Variants in BRD7 observed in about 807,000 individuals in gnomAD.
BRD7 encodes bromodomain-containing protein 7.
A neutral mutation model predicts 82.1 loss-of-function variants in BRD7; 15 were observed. The observed-to-expected ratio is 0.18, with a 90% CI of 0.12 to 0.28. BRD7 has a LOEUF of 0.28. BRD7 is among the 10% of genes least tolerant of loss of function. BRD7 has a pLI of 1.00. For missense variants in BRD7, 638 were observed against 779.9 expected (o/e 0.82, Z 2.17); for synonymous variants, 232 against 266.9 (o/e 0.87, Z 1.27).
At position 50,368,386 on chromosome 16, in the gene BRD7, G is replaced by A. The variant is rs1318653568; in HGVS notation, c.50-88C>T. On this transcript the variant is annotated intron_variant, in intron 1 of 16. Coordinates refer to ENST00000394688, the MANE Select transcript of BRD7 (RefSeq NM_013263.5). ...TGCTAAGGATGCAGAGCGCCAAGGC[G>A]CAGCAAGCCCGAGGCGGCTTTGGGC... 4 of 1,397,016 alleles carry A rather than the reference G, an allele frequency of 2.9e-6. No individual in the cohort carries two copies. In the African/African-American group the frequency reaches 5.8e-5, roughly 20 times the overall value. The allele number at this position is 1,397,016 out of a possible 1,614,324, so 86.5% of individuals were successfully genotyped here.
intron 5 of BRD7, among the ~76,000 whole-genome samples, chr16:50,340,990 T>A (rs900059334): frequency 6.6e-6 from 1 of 152,116 alleles, no homozygotes; most frequent in African/African-American, 2.4e-5. Context: ...TTAGAACACT[T>A]AAATAGAACA....
At chr16:50,349,724 T>C in intron 5 of BRD7, 1 of 425,118 alleles carries the variant, frequency 2.4e-6, no homozygotes, top group South Asian at 1.9e-5. Flanking sequence ...GTTTTACTTG[T>C]ATTGATCTAA....
At chr16:50,345,942 C>G (rs1162494843) in intron 5 of BRD7, among the ~76,000 whole-genome samples, 1 of 152,194 alleles carries the variant, frequency 6.6e-6, no homozygotes, top group Non-Finnish European at 1.5e-5. Flanking sequence ...ACAGAACTCT[C>G]CACCCTAAAT....
At chr16:50,364,996 A>G (rs1246388801) in intron 2 of BRD7, among the ~76,000 whole-genome samples, 1 of 152,222 alleles carries the variant, frequency 6.6e-6, no homozygotes, top group Admixed American at 6.5e-5. Flanking sequence ...CCACGTCAAC[A>G]CACTTGGGAG....
At chr16:50,349,089 G>A (rs1597076575) in intron 5 of BRD7, 1 of 158,644 alleles carries the variant, frequency 6.3e-6, no homozygotes. Context: ...AAAAGGATGA[G>A]TTCATGTCCT....
chr16:50,364,537 TGA>T (rs988066276), intron 2 of BRD7, among the ~76,000 whole-genome samples: 45 of 152,206 alleles, frequency 3.0e-4, no homozygotes, highest in African/African-American at 1.0e-3. Context: ...TGTCCTATTC[TGA>T]GAGGTGTGTC....
chr16:50,343,518 C>T lies in BRD7; in HGVS notation c.592-3432G>A, dbSNP rs558832122. Among the ~76,000 whole-genome samples, 26 of 152,350 alleles carry T rather than the reference C, an allele frequency of 1.7e-4. 1 individual carries two copies. The highest frequency in any genetic ancestry group is 1.4e-3 in the Admixed American group (21 of 15,304). On this transcript the variant is annotated intron_variant, in intron 5 of 16. Transcript: ENST00000394688. ...AAGCAGGGCAGGGAATCACCTCACT[C>T]AGGAAGCACAAGGGGTTGGGGAATT... is the stretch of plus-strand genomic sequence containing the variant.
chr16:50,352,342 T>C (rs2038561127), intron 4 of BRD7, among the ~76,000 whole-genome samples: 1 of 152,254 alleles, frequency 6.6e-6, no homozygotes, highest in African/African-American at 2.4e-5. Flanking sequence ...TGATGTCCTC[T>C]AGGTTCATCC....
chr16:50,361,447 C>T (rs545709863), intron 2 of BRD7, among the ~76,000 whole-genome samples: 39 of 152,248 alleles, frequency 2.6e-4, no homozygotes, highest in Admixed American at 1.8e-3. Context: ...AACCAGAAGT[C>T]GACCTACAAA....
Position 50,325,800 on chromosome 16 carries a change from C to G in BRD7, c.1279G>C (p.Asp427His). 2 of 1,611,628 alleles carry G rather than the reference C, an allele frequency of 1.2e-6. No individual in the cohort carries two copies. Among genetic ancestry groups the G allele is most frequent in the Non-Finnish European group, 1.7e-6 (2 of 1,179,266 alleles). The change falls in exon 11 of 17, where the codon GAT becomes CAT. Residue 427 changes from aspartate (D) to histidine (H), a missense_variant. Asp to His is a moderately conservative substitution (Grantham distance 81). Coordinates refer to ENST00000394688, the MANE Select transcript of BRD7 (RefSeq NM_013263.5). ...TFANISKDDS[D>H]LIYSTYGEDS... ...TCCCCATAGGTTGAATAGATTAAATCAGAATCATCCTTGCTGATATTTGCA... is the reference window on the plus strand; with the variant it reads ...TCCCCATAGGTTGAATAGATTAAATGAGAATCATCCTTGCTGATATTTGCA...
At chr16:50,346,769 T>C (rs910164550) in intron 5 of BRD7, among the ~76,000 whole-genome samples, 4 of 152,094 alleles carry the variant, frequency 2.6e-5, no homozygotes, top group African/African-American at 9.7e-5. Flanking sequence ...ATTGAGGCAA[T>C]AGCCTACCAA....
intron 5 of BRD7, among the ~76,000 whole-genome samples, chr16:50,348,535 A>C (rs1381860342): frequency 2.6e-5 from 4 of 152,232 alleles, no homozygotes; most frequent in African/African-American, 9.6e-5. Flanking sequence ...TAATATCCAG[A>C]ATCTACAAAG....
intron 5 of BRD7, among the ~76,000 whole-genome samples, chr16:50,341,485 A>C (rs2038050896): frequency 1.3e-5 from 2 of 151,896 alleles, no homozygotes; most frequent in East Asian, 1.9e-4. Context: ...TACTAAAAAT[A>C]CAAAAAAATT....
chr16:50,352,718 G>A (rs201624859), intron 4 of BRD7, among the ~76,000 whole-genome samples: 2 of 48,636 alleles, frequency 4.1e-5, no homozygotes, highest in Admixed American at 4.2e-4. Context: ...TTTTTTTTTT[G>A]TCTTTTGATA....
Position 50,328,608 on chromosome 16 carries a change from C to T in BRD7, c.1087+61G>A, listed in dbSNP as rs566489258. The T allele has an allele frequency of 9.0e-6, 13 of 1,441,136 alleles. No homozygotes were observed. In the East Asian group the frequency reaches 3.0e-4, roughly 33 times the overall value. The allele number at this position is 1,441,136 out of a possible 1,614,324, so 89.3% of individuals were successfully genotyped here. A position where few individuals can be genotyped will look rare whatever the true frequency, so the allele number is the denominator to read the frequency against. On this transcript the variant is annotated intron_variant, in intron 9 of 16. Transcript: ENST00000394688. ...AAGCTTGTTGCTTTAAAATGTTAAC[C>T]CAGGTTACTGTTCTCTGCCAAATAG...
chr16:50,322,452 G>C (rs2037160427), intron 12 of BRD7, among the ~76,000 whole-genome samples: 4 of 152,216 alleles, frequency 2.6e-5, no homozygotes, highest in Non-Finnish European at 5.9e-5. Flanking sequence ...ATGCTACAGA[G>C]AATGTGAAAG....
In BRD7 at chr16:50,317,894, TAACA is replaced by T. The variant is rs77844678; in HGVS notation, c.*1313_*1316del. On this transcript the variant is annotated 3_prime_UTR_variant, in exon 17 of 17. Transcript: ENST00000394688. ...TTTCTGGCTTATTGAGGAAATTTCC[TAACA>T]AACAAACAAACAAACAAACAGAAGA... 22,762 of 151,768 alleles carry T rather than the reference TAACA, an allele frequency of 0.15. 2,039 individuals are homozygous for T. Among genetic ancestry groups the T allele is most frequent in the Non-Finnish European group, 0.2 (13,786 of 67,856 alleles). The allele number at this position is 151,768 out of a possible 1,614,324, so 9.4% of individuals were successfully genotyped here. A position where few individuals can be genotyped will look rare whatever the true frequency, so the allele number is the denominator to read the frequency against.
intron 5 of BRD7, among the ~76,000 whole-genome samples, chr16:50,347,189 G>T (rs559229976): frequency 6.6e-6 from 1 of 152,234 alleles, no homozygotes; most frequent in East Asian, 1.9e-4. Context: ...ATGCAGAAAA[G>T]GCCTTTGACA....
At chr16:50,349,424 TA>T (rs903145367) in intron 5 of BRD7, 25,455 of 294,208 alleles carry the variant, frequency 0.087, no homozygotes, top group South Asian at 0.14. Context: ...GTAAACCATC[TA>T]AAAAAAAAAA....
Sources: allele counts gnomAD v4.1 joint callset (sites outside exome capture counted in the v4.1 genomes callset), GRCh38; gene constraint gnomAD v4.1.1; transcripts MANE v1.5; gene names NCBI Gene and HGNC (gene_info 2026-07-23, HGNC 2026-07-21).